PCDHA4: variants seen among roughly 807,000 people sequenced by gnomAD.
The protein encoded by PCDHA4 is protocadherin alpha 4.
A neutral mutation model predicts 61.4 loss-of-function variants in PCDHA4; 49 were observed. The ratio of observed to expected loss-of-function variants is 0.80; its 90% CI spans 0.63 to 1.01. The LOEUF is 1.01. Among genes scored for constraint, PCDHA4 ranks in the 50% least tolerant of loss-of-function variants. PCDHA4 has a pLI of 0.00. For missense variants in PCDHA4, 1,254 were observed against 1,235.8 expected (o/e 1.01, Z -0.22); for synonymous variants, 590 against 550.3 (o/e 1.07, Z -1.01).
At chr5:140,980,307 TA>T (rs1554241617) in intron 2 of PCDHA4, among the ~76,000 whole-genome samples, 2 of 152,140 alleles carry the variant, frequency 1.3e-5, no homozygotes, top group African/African-American at 4.8e-5. Context: ...AGTTGTGCCT[TA>T]AAAACTACAT....
intron 1 of PCDHA4, chr5:140,842,985 T>G (rs1322607138): frequency 1.3e-6 from 2 of 1,594,870 alleles, no homozygotes; most frequent in Non-Finnish European, 1.7e-6. Flanking sequence ...CAGGTGTTCG[T>G]GCTGGACGAG....
chr5:140,907,109 C>T (rs6883830), intron 1 of PCDHA4, among the ~76,000 whole-genome samples: 5,598 of 152,160 alleles, frequency 0.037, 292 homozygotes, highest in African/African-American at 0.12. Flanking sequence ...CCACTTCCAC[C>T]CCTTGATTCC....
intron 1 of PCDHA4, chr5:140,835,748 C>T (rs2150243952): frequency 2.5e-6 from 4 of 1,613,326 alleles, no homozygotes; most frequent in African/African-American, 1.3e-5. Context: ...CCCCGGCGTT[C>T]GCGCAGCCCG....
At chr5:141,003,087 G>T (rs894210434) in intron 3 of PCDHA4, among the ~76,000 whole-genome samples, 2 of 152,198 alleles carry the variant, frequency 1.3e-5, no homozygotes, top group African/African-American at 4.8e-5. Context: ...AGTTTAACAG[G>T]CCTGGCATTT....
At chr5:140,918,129 T>C (rs1299993749) in intron 1 of PCDHA4, among the ~76,000 whole-genome samples, 2 of 152,198 alleles carry the variant, frequency 1.3e-5, no homozygotes, top group African/African-American at 2.4e-5. Flanking sequence ...GCCATATTCC[T>C]AGGTATTTTC....
chr5:140,872,729 A>T (rs578008508), intron 1 of PCDHA4, among the ~76,000 whole-genome samples: 15 of 152,366 alleles, frequency 9.8e-5, no homozygotes, highest in African/African-American at 3.6e-4. Flanking sequence ...AAATTATTCA[A>T]ATTATCTAAA....
At chr5:140,856,574 T>C in intron 1 of PCDHA4, 1 of 1,597,714 alleles carries the variant, frequency 6.3e-7, no homozygotes, top group Non-Finnish European at 8.6e-7. Flanking sequence ...TCCAAATGAG[T>C]ATTTTGTTCT....
At chr5:140,819,016 G>A (rs2150052012) in intron 1 of PCDHA4, among the ~76,000 whole-genome samples, 1 of 152,254 alleles carries the variant, frequency 6.6e-6, no homozygotes, top group African/African-American at 2.4e-5. Context: ...ATATAATATG[G>A]ATATTTTAGC....
chr5:140,857,661 A>T, intron 1 of PCDHA4: 1 of 1,596,582 alleles, frequency 6.3e-7, no homozygotes, highest in Non-Finnish European at 8.6e-7. Context: ...AGCGCGCGCG[A>T]TGGGGGCGTG....
intron 1 of PCDHA4, among the ~76,000 whole-genome samples, chr5:140,925,533 A>C (rs1334031760): frequency 1.3e-5 from 2 of 152,062 alleles, no homozygotes; most frequent in Non-Finnish European, 2.9e-5. Flanking sequence ...AAGCGAGGAG[A>C]AATACCTAAT....
At chr5:140,842,048 G>A (rs2150328015) in intron 1 of PCDHA4, 1 of 1,613,798 alleles carries the variant, frequency 6.2e-7, no homozygotes. Context: ...TCCCACTTTC[G>A]AACAGTCTGA....
At chr5:140,987,452 A>C (rs1430622755) in intron 3 of PCDHA4, among the ~76,000 whole-genome samples, 2 of 152,076 alleles carry the variant, frequency 1.3e-5, no homozygotes, top group Non-Finnish European at 2.9e-5. Context: ...CCCGAGAGAT[A>C]ATTGTTAAGA....
intron 3 of PCDHA4, among the ~76,000 whole-genome samples, chr5:140,995,133 T>C (rs1397108502): frequency 6.6e-6 from 1 of 152,230 alleles, no homozygotes; most frequent in Non-Finnish European, 1.5e-5. Flanking sequence ...TGAAACCTCA[T>C]TTAGTACTGA....
intron 1 of PCDHA4, among the ~76,000 whole-genome samples, chr5:140,961,978 G>T (rs1336878095): frequency 6.6e-6 from 1 of 151,828 alleles, no homozygotes; most frequent in Non-Finnish European, 1.5e-5. Context: ...CCGCCTCCTG[G>T]GTTCACGCCA....
intron 1 of PCDHA4, chr5:140,967,260 C>G: frequency 6.2e-7 from 1 of 1,613,500 alleles, no homozygotes; most frequent in Non-Finnish European, 8.5e-7. Flanking sequence ...GCGCCTGGAG[C>G]GCGCTTTCAC....
intron 1 of PCDHA4, among the ~76,000 whole-genome samples, chr5:140,879,347 T>A (rs530902728): frequency 3.3e-5 from 5 of 152,206 alleles, no homozygotes; most frequent in Admixed American, 2.0e-4. Context: ...GCTGAGAAGA[T>A]GACATTGCCA....
At chr5:140,975,552 G>A (rs1416724640) in intron 1 of PCDHA4, among the ~76,000 whole-genome samples, 1 of 152,200 alleles carries the variant, frequency 6.6e-6, no homozygotes, top group Non-Finnish European at 1.5e-5. Flanking sequence ...CTATTAGGAA[G>A]GAAAAGGAGA....
Position 140,823,061 on chromosome 5 carries a change from G to A in PCDHA4, c.2385+13489G>A, listed in dbSNP as rs2150121840. 3.7e-6 allele frequency: 6 copies of A among 1,613,882 alleles called. No homozygotes were observed. In the African/African-American group the frequency reaches 6.7e-5, roughly 18 times the overall value. ...GAGCTGGTGGTGACCGCGCGGGACG[G>A]GGGCTCGCCTTCGCTGTGGGCCACC... On this transcript the variant is annotated intron_variant, in intron 1 of 3. Coordinates refer to ENST00000530339, the MANE Select transcript of PCDHA4 (RefSeq NM_018907.4).
chr5:140,968,694 G>A, intron 1 of PCDHA4: 1 of 1,614,092 alleles, frequency 6.2e-7, no homozygotes, highest in Non-Finnish European at 8.5e-7. Flanking sequence ...GGAGAAATTA[G>A]GACTACCAGG....
Sources: allele counts gnomAD v4.1 joint callset (sites outside exome capture counted in the v4.1 genomes callset), GRCh38; gene constraint gnomAD v4.1.1; transcripts MANE v1.5; gene names NCBI Gene and HGNC (gene_info 2026-07-23, HGNC 2026-07-21).